The following SHISA6 variants were observed in gnomAD, a reference collection of about 807,000 sequenced individuals.
The protein encoded by SHISA6 is protein shisa-6.
SHISA6 carries 22 observed loss-of-function variants against 47.9 expected under a neutral mutation model. The observed-to-expected ratio is 0.46, with a 90% CI of 0.33 to 0.66. The LOEUF is 0.66. Among genes scored for constraint, SHISA6 ranks in the 30% least tolerant of loss-of-function variants. SHISA6 has a pLI of 0.02. For missense variants in SHISA6, 680 were observed against 764.6 expected (o/e 0.89, Z 1.30); for synonymous variants, 388 against 337.8 (o/e 1.15, Z -1.63).
intron 3 of SHISA6, among the ~76,000 whole-genome samples, chr17:11,416,610 C>CT (rs1352170966): frequency 6.6e-6 from 1 of 152,150 alleles, no homozygotes; most frequent in East Asian, 1.9e-4. Context: ...AGATTTAGGA[C>CT]TTTCTGTATT....
intron 2 of SHISA6, among the ~76,000 whole-genome samples, chr17:11,310,775 C>T (rs894913238): frequency 6.6e-6 from 1 of 151,946 alleles, no homozygotes; most frequent in African/African-American, 2.4e-5. Context: ...GAGTTCGAGA[C>T]CAACCTGACC....
At chr17:11,287,592 A>G (rs1020998916) in intron 2 of SHISA6, among the ~76,000 whole-genome samples, 4 of 136,356 alleles carry the variant, frequency 2.9e-5, no homozygotes, top group Non-Finnish European at 4.8e-5. Flanking sequence ...GGATTACTTG[A>G]GTCCATAAGG....
At chr17:11,411,858 G>A (rs1914130254) in intron 3 of SHISA6, among the ~76,000 whole-genome samples, 2 of 152,104 alleles carry the variant, frequency 1.3e-5, no homozygotes, top group South Asian at 2.1e-4. Flanking sequence ...TATTGACCAC[G>A]CACGTGCATT....
intron 2 of SHISA6, among the ~76,000 whole-genome samples, chr17:11,331,665 A>G (rs1380420468): frequency 1.3e-5 from 2 of 152,136 alleles, no homozygotes; most frequent in African/African-American, 2.4e-5. Flanking sequence ...TCTCTCTCAC[A>G]TACGAGCTTT....
chr17:11,370,558 C>T (rs1222673612), intron 2 of SHISA6, among the ~76,000 whole-genome samples: 2 of 152,182 alleles, frequency 1.3e-5, no homozygotes, highest in African/African-American at 4.8e-5. Flanking sequence ...TCGGGAGGAT[C>T]CACCCACTCT....
At chr17:11,533,756 C>T (rs145226858) in intron 3 of SHISA6, among the ~76,000 whole-genome samples, 8,795 of 151,862 alleles carry the variant, frequency 0.058, 294 homozygotes, top group Middle Eastern at 0.099. Flanking sequence ...CCATGCCTGG[C>T]TAATTTTTTG....
chr17:11,279,954 G>A (rs1909065272), intron 2 of SHISA6, among the ~76,000 whole-genome samples: 2 of 152,128 alleles, frequency 1.3e-5, no homozygotes, highest in South Asian at 2.1e-4. Flanking sequence ...TGACTTTGAG[G>A]GTAATAAAGG....
At chr17:11,451,549 AAGGAAT>A (rs1367994471) in intron 3 of SHISA6, among the ~76,000 whole-genome samples, 1 of 152,192 alleles carries the variant, frequency 6.6e-6, no homozygotes, top group African/African-American at 2.4e-5. Flanking sequence ...ATAGTGTGAT[AAGGAAT>A]GACCGGTCAG....
At chr17:11,438,959 A>G (rs1915022060) in intron 3 of SHISA6, among the ~76,000 whole-genome samples, 1 of 152,138 alleles carries the variant, frequency 6.6e-6, no homozygotes, top group Non-Finnish European at 1.5e-5. Flanking sequence ...GAAGCAGAGC[A>G]AGGATGAAGG....
chr17:11,351,032 A>G (rs1911872729), intron 2 of SHISA6, among the ~76,000 whole-genome samples: 1 of 152,168 alleles, frequency 6.6e-6, no homozygotes. Context: ...TCAGCAAGCT[A>G]ACACAGGAAC....
intron 2 of SHISA6, among the ~76,000 whole-genome samples, chr17:11,350,157 A>AATTTATTTATTTATTTATTTATTT (rs542515657): frequency 1.6e-5 from 2 of 128,406 alleles, no homozygotes; most frequent in Admixed American, 8.4e-5. Flanking sequence ...ATGCCCGGCT[A>AATTTATTTATTTATTTATTTATTT]ATTTATTTAT....
At chr17:11,479,005 G>A (rs1042476417) in intron 3 of SHISA6, among the ~76,000 whole-genome samples, 3 of 152,152 alleles carry the variant, frequency 2.0e-5, no homozygotes, top group South Asian at 2.1e-4. Context: ...AATCAATATC[G>A]TGAAAATGGC....
chr17:11,310,653 C>G (rs1910291820), intron 2 of SHISA6, among the ~76,000 whole-genome samples: 1 of 152,150 alleles, frequency 6.6e-6, no homozygotes, highest in Non-Finnish European at 1.5e-5. Context: ...GGGCAAGGAA[C>G]AGACAAGATC....
intron 2 of SHISA6, among the ~76,000 whole-genome samples, chr17:11,356,850 G>A (rs939239007): frequency 2.0e-5 from 3 of 152,064 alleles, no homozygotes; most frequent in Admixed American, 6.6e-5. Flanking sequence ...GGGCATTGGC[G>A]AGGTCAGGGG....
At chr17:11,366,047 A>G (rs1489401443) in intron 2 of SHISA6, among the ~76,000 whole-genome samples, 1 of 152,238 alleles carries the variant, frequency 6.6e-6, no homozygotes, top group Non-Finnish European at 1.5e-5. Flanking sequence ...GAAAAACAGA[A>G]GGAATTTGCT....
At chr17:11,470,723 G>T (rs1915916054) in intron 3 of SHISA6, among the ~76,000 whole-genome samples, 1 of 150,192 alleles carries the variant, frequency 6.7e-6, no homozygotes, top group South Asian at 2.1e-4. Flanking sequence ...AGGGGTGGGG[G>T]TGGGGACAGA....
chr17:11,392,970 T>C (rs1466281809), intron 3 of SHISA6, among the ~76,000 whole-genome samples: 1 of 152,232 alleles, frequency 6.6e-6, no homozygotes, highest in Admixed American at 6.5e-5. Flanking sequence ...GTAGAATCAG[T>C]AACCCCCTTT....
At chr17:11,436,182 C>T (rs1035688713) in intron 3 of SHISA6, among the ~76,000 whole-genome samples, 11 of 152,184 alleles carry the variant, frequency 7.2e-5, no homozygotes, top group African/African-American at 1.7e-4. Flanking sequence ...TCTCCCCTTG[C>T]ACTTTCAAAG....
At chr17:11,360,509 G>A (rs1448348762) in intron 2 of SHISA6, among the ~76,000 whole-genome samples, 1 of 151,224 alleles carries the variant, frequency 6.6e-6, no homozygotes, top group Admixed American at 6.6e-5. Flanking sequence ...GCAGTGAGCC[G>A]AGCCTGTGCC....
Sources: allele counts gnomAD v4.1 joint callset (sites outside exome capture counted in the v4.1 genomes callset), GRCh38; gene constraint gnomAD v4.1.1; transcripts MANE v1.5; gene names NCBI Gene and HGNC (gene_info 2026-07-23, HGNC 2026-07-21).